Variants in ADCY9 observed in about 807,000 individuals in gnomAD.
ADCY9 encodes the protein adenylate cyclase 9.
Under a neutral mutation model 101.5 loss-of-function variants are expected in ADCY9, and 50 were observed. The ratio of observed to expected loss-of-function variants is 0.49; its 90% confidence interval spans 0.39 to 0.62. ADCY9 has a LOEUF of 0.62. ADCY9 is among the 20% of genes least tolerant of loss of function. The pLI is 0.00. For missense variants in ADCY9, 1,662 were observed against 1,800.4 expected, an observed-to-expected ratio of 0.92 and a Z score of 1.39; for synonymous variants, 905 against 769.3, an observed-to-expected ratio of 1.18 and a Z score of -2.92.
rs534023702 is a variant in ADCY9 at position 3,993,708 on chromosome 16, C to T, written c.1885-198G>A. On this transcript the variant is annotated intron_variant, in intron 3 of 10. Transcript: ENST00000294016. ...AAACACACAGAAACCCGGGCACGAA[C>T]GCAACAGGACCCAAAAATGGAACCG... Among the ~76,000 whole-genome samples, 8 of 152,234 alleles carry T rather than the reference C, an allele frequency of 5.3e-5. No homozygotes were observed. In the East Asian group the frequency reaches 1.2e-3, roughly 22 times the overall value.
chr16:3,975,373 G>A (rs952212910), intron 9 of ADCY9, among the ~76,000 whole-genome samples: 1 of 152,056 alleles, frequency 6.6e-6, no homozygotes, highest in Non-Finnish European at 1.5e-5. Flanking sequence ...TTAATTTGCA[G>A]GGAATTTAAA....
intron 2 of ADCY9, among the ~76,000 whole-genome samples, chr16:4,108,552 T>G (rs1258623782): frequency 6.6e-6 from 1 of 151,770 alleles, no homozygotes; most frequent in East Asian, 1.9e-4. Context: ...TTTTGCATTT[T>G]CAGTAGAGAC....
In ADCY9 at chr16:3,983,450, G is replaced by A. The variant is rs1209751929; in HGVS notation, c.2311-10C>T. On this transcript the variant is annotated splice_polypyrimidine_tract_variant and intron_variant, in intron 6 of 10. Transcript: ENST00000294016. ...GGGAGTTCTTTATGACCTGTGTGGA[G>A]CAGGAGTGGAGCAGAATGACTGGGA... 1 of 1,592,384 alleles carries A rather than the reference G, an allele frequency of 6.3e-7. No individual in the cohort carries two copies. The highest frequency in any genetic ancestry group is 2.3e-5 in the East Asian group (1 of 43,944).
At chr16:3,985,580 C>T (rs967523641) in intron 6 of ADCY9, among the ~76,000 whole-genome samples, 1 of 152,166 alleles carries the variant, frequency 6.6e-6, no homozygotes, top group Admixed American at 6.5e-5. Flanking sequence ...GTCCCTGAGA[C>T]ATCACTGCCT....
At chr16:4,012,363 A>G (rs1841274866) in intron 2 of ADCY9, among the ~76,000 whole-genome samples, 1 of 152,104 alleles carries the variant, frequency 6.6e-6, no homozygotes, top group South Asian at 2.1e-4. Flanking sequence ...GTTCAAGCCC[A>G]GCGAAAGTCT....
At chr16:4,106,188 G>GT (rs1458843188) in intron 2 of ADCY9, among the ~76,000 whole-genome samples, 5 of 152,222 alleles carry the variant, frequency 3.3e-5, no homozygotes, top group African/African-American at 1.2e-4. Context: ...GAGCAGACAA[G>GT]TTTTACAAGG....
rs9938497 is a variant in ADCY9 at position 4,071,858 on chromosome 16, G to A, written c.1693+41892C>T. Among the ~76,000 whole-genome samples the A allele has an allele frequency of 2.5e-3, 379 of 152,114 alleles. 2 individuals are homozygous for A. Among genetic ancestry groups the A allele is most frequent in the African/African-American group, 8.8e-3 (367 of 41,494 alleles). The stretch of plus-strand genomic sequence containing the variant: ...GACAGAGTCTCACTGTCATCCAGGC[G>A]GGAGTGCGGTGGTGCGGTCTCGGCT... On this transcript the variant is annotated intron_variant, in intron 2 of 10. Coordinates refer to ENST00000294016, the MANE Select transcript of ADCY9 (RefSeq NM_001116.4).
chr16:4,106,148 G>A (rs936087514), intron 2 of ADCY9, among the ~76,000 whole-genome samples: 1 of 152,162 alleles, frequency 6.6e-6, no homozygotes, highest in African/African-American at 2.4e-5. Flanking sequence ...CAAAGGCTGG[G>A]GAAAATGAGA....
chr16:3,985,116 T>G (rs2056179782), intron 6 of ADCY9, among the ~76,000 whole-genome samples: 1 of 151,578 alleles, frequency 6.6e-6, no homozygotes. Flanking sequence ...GGAATTTCTT[T>G]TTTTTCATTT....
chr16:4,097,487 T>TATATATATATATACAC (rs76750792), intron 2 of ADCY9, among the ~76,000 whole-genome samples: 19 of 72,492 alleles, frequency 2.6e-4, no homozygotes, highest in Non-Finnish European at 3.5e-4. Flanking sequence ...TATATATATA[T>TATATATATATATACAC]ACACACACAC....
At chr16:3,959,355 C>T (rs1459603978), downstream of ADCY9, among the ~76,000 whole-genome samples, 1 of 101,400 alleles carries the variant, frequency 9.9e-6, no homozygotes, top group Non-Finnish European at 2.1e-5. Flanking sequence ...GAGTGAGACT[C>T]TTATCTCAAA....
In ADCY9 at chr16:4,115,582, C is replaced by G. The variant is rs1233697615; in HGVS notation, c.-43-97G>C. On this transcript the variant is annotated intron_variant, in intron 1 of 10. Transcript: ENST00000294016. This position sits in a 1 kb window ranked among gnomAD's most constrained non-coding sequence, Gnocchi z 6.2. ...CCTGTCCTAAGGGGCGGCTCCAGCA[C>G]GCGACCTGGACAGGCACCATCTGTT... The G allele has an allele frequency of 1.9e-6, 2 of 1,050,932 alleles. No homozygotes were observed. Among genetic ancestry groups the G allele is most frequent in the East Asian group, 2.6e-5 (1 of 38,096 alleles). The allele number at this position is 1,050,932 out of a possible 1,614,324, so 65.1% of individuals were successfully genotyped here.
At chr16:4,091,946 C>T (rs961746960) in intron 2 of ADCY9, among the ~76,000 whole-genome samples, 7 of 152,172 alleles carry the variant, frequency 4.6e-5, no homozygotes, top group Non-Finnish European at 8.8e-5. Context: ...CCTTAAAAAT[C>T]ATTAAGTTAT....
chr16:3,953,436 A>C (rs946107875), exon 6 of ADCY9: 5 of 152,112 alleles, frequency 3.3e-5, no homozygotes, highest in Admixed American at 6.5e-5. Context: ...TCAAATTTAC[A>C]ATTAGGCTCC....
At chr16:3,967,331 CTTTTCT>C (rs927574808) in intron 10 of ADCY9, among the ~76,000 whole-genome samples, 45 of 149,036 alleles carry the variant, frequency 3.0e-4, no homozygotes, top group African/African-American at 9.7e-4. Flanking sequence ...AATCGTTTTT[CTTTTCT>C]TTTTCTTTTT....
At chr16:4,087,934 TTC>T (rs1340438889) in intron 2 of ADCY9, among the ~76,000 whole-genome samples, 1 of 151,284 alleles carries the variant, frequency 6.6e-6, no homozygotes, top group African/African-American at 2.4e-5. Flanking sequence ...TCCTTTCTTC[TTC>T]TTTTTTTTTG....
chr16:4,060,731 C>G (rs981622719), intron 2 of ADCY9, among the ~76,000 whole-genome samples: 2 of 152,106 alleles, frequency 1.3e-5, no homozygotes, highest in African/African-American at 4.8e-5. Context: ...AACAACAAAC[C>G]TGCATTTTGC....
rs113093512 is a variant in ADCY9 at position 4,115,941 on chromosome 16, C to T, written c.-295G>A. 2.7e-6 allele frequency: 1 copy of T among 372,668 alleles called. No individual in the cohort carries two copies. The highest frequency in any genetic ancestry group is 4.7e-6 in the Non-Finnish European group (1 of 212,352). The allele number at this position is 372,668 out of a possible 1,614,324, so 23.1% of individuals were successfully genotyped here. A position where few individuals can be genotyped will look rare whatever the true frequency, so the allele number is the denominator to read the frequency against. On this transcript the variant is annotated 5_prime_UTR_variant, in exon 1 of 11. Coordinates refer to ENST00000294016, the MANE Select transcript of ADCY9 (RefSeq NM_001116.4). The surrounding 1 kb of genome is among the most constrained non-coding windows in gnomAD (Gnocchi z 6.2). ...CCTCCATCCTGCAGGAGCCGCGCTC[C>T]GATGCGTCAAAGGCGGCGCGCGGCC... is the stretch of plus-strand genomic sequence containing the variant.
At chr16:4,027,791 C>T (rs1308940503) in intron 2 of ADCY9, among the ~76,000 whole-genome samples, 7 of 151,614 alleles carry the variant, frequency 4.6e-5, no homozygotes, top group South Asian at 2.1e-4. Flanking sequence ...GCAGGAGAAT[C>T]GCTTGAACCC....
Sources: gnomAD v4.1 joint callset for allele counts (sites outside exome capture counted in the v4.1 genomes callset) on GRCh38, gnomAD v4.1.1 for gene constraint, Gnocchi (gnomAD v3.1) non-coding constraint, MANE v1.5 for transcripts, NCBI Gene and HGNC (gene_info 2026-07-23, HGNC 2026-07-21) for gene names.